Variants in AUTS2 observed in about 807,000 individuals in gnomAD.
The protein encoded by AUTS2 is autism susceptibility gene 2 protein.
In AUTS2, 17 loss-of-function variants were observed where a neutral mutation model predicts 112.4. The observed-to-expected ratio is 0.15, with a 90% confidence interval of 0.10 to 0.23. The LOEUF is 0.23. Among genes scored for constraint, AUTS2 ranks in the 10% least tolerant of loss-of-function variants. The probability of loss-of-function intolerance (pLI) is 1.00; values close to 1 mark genes in which losing one functional copy is unlikely to be tolerated. For synonymous variants in AUTS2, 751 were observed against 702.7 expected, an observed-to-expected ratio of 1.07 and a Z score of -1.09; for missense variants, 1,510 against 1,701.6, an observed-to-expected ratio of 0.89 and a Z score of 1.98.
At chr7:70,214,458 A>T (rs1401019297) in intron 4 of AUTS2, among the ~76,000 whole-genome samples, 1 of 152,210 alleles carries the variant, frequency 6.6e-6, no homozygotes, top group Non-Finnish European at 1.5e-5. Flanking sequence ...ACTGATAATA[A>T]ACAGTGTTGC....
At chr7:69,855,278 T>C (rs1792669550) in intron 1 of AUTS2, among the ~76,000 whole-genome samples, 1 of 152,138 alleles carries the variant, frequency 6.6e-6, no homozygotes, top group African/African-American at 2.4e-5. Context: ...ACTAAACCAA[T>C]CTTATTGTTG....
chr7:69,993,388 A>G (rs1389743827), intron 2 of AUTS2, among the ~76,000 whole-genome samples: 1 of 152,120 alleles, frequency 6.6e-6, no homozygotes, highest in African/African-American at 2.4e-5. Context: ...TTCAAAAGAG[A>G]CTTCAGCTAC....
chr7:69,827,304 A>G (rs1562910575), intron 1 of AUTS2, among the ~76,000 whole-genome samples: 1 of 152,186 alleles, frequency 6.6e-6, no homozygotes, highest in African/African-American at 2.4e-5. Flanking sequence ...GAGAACAGTC[A>G]GAGTTAAGGA....
intron 5 of AUTS2, among the ~76,000 whole-genome samples, chr7:70,546,420 G>A (rs780348417): frequency 6.6e-6 from 1 of 151,844 alleles, no homozygotes; most frequent in Non-Finnish European, 1.5e-5. Flanking sequence ...CTCCAGCCTA[G>A]GCAACAGAGT....
chr7:69,936,727 A>G (rs1480708857), intron 2 of AUTS2, among the ~76,000 whole-genome samples: 1 of 152,170 alleles, frequency 6.6e-6, no homozygotes, highest in Non-Finnish European at 1.5e-5. Flanking sequence ...ATATGATTAT[A>G]TCCATCAGTG....
chr7:70,532,538 G>A (rs1800140878), intron 5 of AUTS2, among the ~76,000 whole-genome samples: 1 of 152,104 alleles, frequency 6.6e-6, no homozygotes, highest in Non-Finnish European at 1.5e-5. Flanking sequence ...CAGACACCAA[G>A]AAAGAATATG....
At chr7:69,990,259 A>G (rs984086604) in intron 2 of AUTS2, among the ~76,000 whole-genome samples, 1 of 152,206 alleles carries the variant, frequency 6.6e-6, no homozygotes, top group Non-Finnish European at 1.5e-5. Context: ...ATCTACTGAA[A>G]TATCAGCCAG....
rs569675536 is a variant in AUTS2 at position 70,640,769 on chromosome 7, C to T, written c.691-57800C>T. ...GTTTTTGGAGAAAGCCATCATTAAA[C>T]TGTGATGTGGGCCGTAGCACTGCTA... On this transcript the variant is annotated intron_variant, in intron 5 of 18. Coordinates refer to ENST00000342771, the MANE Select transcript of AUTS2 (RefSeq NM_015570.4). 1.0e-3 allele frequency among the ~76,000 whole-genome samples: 152 copies of T among 152,314 alleles called. 1 individual carries two copies. The highest frequency in any genetic ancestry group is 4.6e-3 in the South Asian group (22 of 4,826).
At chr7:69,863,563 A>G in intron 1 of AUTS2, among the ~76,000 whole-genome samples, 1 of 152,206 alleles carries the variant, frequency 6.6e-6, no homozygotes, top group East Asian at 1.9e-4. Context: ...TCAGATTCTC[A>G]TAGTCTCCAA....
intron 1 of AUTS2, among the ~76,000 whole-genome samples, chr7:69,689,343 ATTTT>A (rs530444257): frequency 2.1e-3 from 215 of 102,478 alleles, no homozygotes; most frequent in African/African-American, 6.6e-3. Context: ...TAATTAATTA[ATTTT>A]TTTTTTTTTT....
At chr7:70,498,337 G>A (rs760326598) in intron 5 of AUTS2, among the ~76,000 whole-genome samples, 5 of 152,242 alleles carry the variant, frequency 3.3e-5, no homozygotes, top group Middle Eastern at 3.4e-3. Context: ...CTGCACTTGG[G>A]GAGCTCTTTA....
At chr7:70,120,748 C>T (rs543538144) in intron 3 of AUTS2, among the ~76,000 whole-genome samples, 3 of 152,072 alleles carry the variant, frequency 2.0e-5, no homozygotes, top group Non-Finnish European at 2.9e-5. Flanking sequence ...AATAGAAAGA[C>T]AGTATTATTA....
At chr7:70,604,438 T>C (rs1201097115) in intron 5 of AUTS2, among the ~76,000 whole-genome samples, 1 of 152,200 alleles carries the variant, frequency 6.6e-6, no homozygotes, top group Non-Finnish European at 1.5e-5. Context: ...GCAGCAACCA[T>C]CACAGAGAGT....
intron 4 of AUTS2, among the ~76,000 whole-genome samples, chr7:70,241,490 T>C (rs1812611795): frequency 6.6e-6 from 1 of 152,200 alleles, no homozygotes; most frequent in Non-Finnish European, 1.5e-5. Context: ...TGAAGTTTTT[T>C]TTAAAACCTT....
intron 1 of AUTS2, among the ~76,000 whole-genome samples, chr7:69,787,569 A>G (rs565234673): frequency 6.6e-6 from 1 of 152,234 alleles, no homozygotes; most frequent in East Asian, 1.9e-4. Context: ...TTTTATTTTG[A>G]CACAGAGTCT....
intron 2 of AUTS2, among the ~76,000 whole-genome samples, chr7:70,044,260 C>T (rs1801401504): frequency 6.6e-6 from 1 of 152,160 alleles, no homozygotes; most frequent in African/African-American, 2.4e-5. Flanking sequence ...AGGCTGCTTC[C>T]ATAAATCAAG....
intron 2 of AUTS2, among the ~76,000 whole-genome samples, chr7:70,057,852 A>G (rs1404026602): frequency 6.6e-6 from 1 of 152,190 alleles, no homozygotes; most frequent in Non-Finnish European, 1.5e-5. Context: ...GGTGCTCAAA[A>G]TGTTACCATC....
intron 6 of AUTS2, among the ~76,000 whole-genome samples, chr7:70,736,406 G>C (rs1316277978): frequency 6.6e-6 from 1 of 152,178 alleles, no homozygotes; most frequent in East Asian, 1.9e-4. Flanking sequence ...AAGAAAAAAG[G>C]TGAAATGACT....
intron 5 of AUTS2, among the ~76,000 whole-genome samples, chr7:70,486,413 G>A (rs1046848640): frequency 1.3e-5 from 2 of 152,226 alleles, no homozygotes; most frequent in Non-Finnish European, 2.9e-5. Flanking sequence ...TTAGTGCAGT[G>A]TCAGGCCAAA....
Sources: allele counts gnomAD v4.1 joint callset (sites outside exome capture counted in the v4.1 genomes callset), GRCh38; gene constraint gnomAD v4.1.1; transcripts MANE v1.5; gene names NCBI Gene and HGNC (gene_info 2026-07-23, HGNC 2026-07-21).